The following SLC13A1 variants were observed in gnomAD, a reference collection of about 807,000 sequenced individuals.
The protein encoded by SLC13A1 is Na(+)/sulfate cotransporter.
A neutral mutation model predicts 70.0 loss-of-function variants in SLC13A1; 65 were observed. The ratio of observed to expected loss-of-function variants is 0.93; its 90% CI spans 0.76 to 1.14. SLC13A1 has a LOEUF of 1.14. SLC13A1 is among the 50% of genes most tolerant of loss of function. The pLI is 0.00. For synonymous variants in SLC13A1, 275 were observed against 250.5 expected (o/e 1.10, Z -0.92); for missense variants, 726 against 717.8 (o/e 1.01, Z -0.13).
At chr7:123,173,412 T>C (rs10232829) in intron 2 of SLC13A1, among the ~76,000 whole-genome samples, 7,681 of 152,254 alleles carry the variant, frequency 0.05, 628 homozygotes, top group African/African-American at 0.17. Context: ...TAGAAAATAA[T>C]TATATCAATT....
At chr7:123,153,624 C>T (rs115563256) in intron 6 of SLC13A1, among the ~76,000 whole-genome samples, 1,856 of 152,064 alleles carry the variant, frequency 0.012, 38 homozygotes, top group African/African-American at 0.042. Flanking sequence ...ATATGAGCCA[C>T]TAAATGAGCC....
Position 123,123,118 on chromosome 7 carries a change from A to C in SLC13A1, c.1350+8T>G, listed in dbSNP as rs751496969. ...TAATTGTTAAATATCTTACACACAG[A>C]GTATTACCTCACAACCATCTGCCAG... On this transcript the variant is annotated splice_region_variant and intron_variant, in intron 12 of 14. Coordinates refer to ENST00000194130, the MANE Select transcript of SLC13A1 (RefSeq NM_022444.4). 11 of 1,563,296 alleles carry C rather than the reference A, an allele frequency of 7.0e-6. No homozygotes were observed. The highest frequency in any genetic ancestry group is 5.3e-6 in the Non-Finnish European group (6 of 1,134,202).
chr7:123,133,202 C>T (rs1365896455), intron 8 of SLC13A1, among the ~76,000 whole-genome samples: 1 of 152,186 alleles, frequency 6.6e-6, no homozygotes, highest in Non-Finnish European at 1.5e-5. Context: ...GATCTCTTAT[C>T]TGGCCTCTGA....
intron 1 of SLC13A1, among the ~76,000 whole-genome samples, chr7:123,182,722 T>C (rs948876909): frequency 8.5e-5 from 13 of 152,104 alleles, no homozygotes; most frequent in African/African-American, 2.7e-4. Context: ...CATGGGCCTT[T>C]GGGTGGAGAG....
chr7:123,121,728 A>G (rs981459794), intron 12 of SLC13A1, among the ~76,000 whole-genome samples: 4 of 152,164 alleles, frequency 2.6e-5, no homozygotes, highest in African/African-American at 9.7e-5. Flanking sequence ...AAGTAATTGC[A>G]ATGAGGTGAA....
chr7:123,166,240 A>G (rs113116957), intron 6 of SLC13A1, among the ~76,000 whole-genome samples: 2,076 of 152,154 alleles, frequency 0.014, 42 homozygotes, highest in African/African-American at 0.046. Context: ...CAGTATTTGG[A>G]TATCAAATCA....
At chr7:123,181,179 T>G in intron 1 of SLC13A1, 78 bp from the exon 2 acceptor site, 1 of 1,453,468 alleles carries the variant, frequency 6.9e-7, no homozygotes, top group East Asian at 2.4e-5. Flanking sequence ...ACATGTTTGC[T>G]TAATAGAGCC....
At chr7:123,160,091 G>A (rs918814974) in intron 6 of SLC13A1, among the ~76,000 whole-genome samples, 17 of 151,896 alleles carry the variant, frequency 1.1e-4, no homozygotes, top group African/African-American at 4.1e-4. Flanking sequence ...AGACTAGCCT[G>A]GCCAACATAG....
intron 1 of SLC13A1, 82 bp downstream of exon 1, chr7:123,199,766 G>T: frequency 1.0e-6 from 1 of 987,594 alleles, no homozygotes; most frequent in Non-Finnish European, 1.6e-6. Context: ...TCTGAGCCAG[G>T]CAGTTAAACA....
intron 2 of SLC13A1, among the ~76,000 whole-genome samples, chr7:123,178,049 ATC>A (rs758930009): frequency 7.3e-5 from 11 of 151,090 alleles, no homozygotes; most frequent in African/African-American, 2.7e-4. Flanking sequence ...ATATATATAT[ATC>A]TCCATACATG....
At chr7:123,166,645 T>C (rs1385407303) in intron 6 of SLC13A1, among the ~76,000 whole-genome samples, 4 of 152,098 alleles carry the variant, frequency 2.6e-5, no homozygotes, top group Admixed American at 2.6e-4. Flanking sequence ...ACATGTGGTG[T>C]TTGGTTTTTT....
In SLC13A1 at chr7:123,115,721, T is replaced by C. The variant is rs1793158677; in HGVS notation, c.1651-66A>G. The C allele has an allele frequency of 4.6e-6, 7 of 1,536,762 alleles. No individual in the cohort carries two copies. In the African/African-American group the frequency reaches 5.5e-5, roughly 12 times the overall value. On this transcript the variant is annotated intron_variant, in intron 14 of 14. Transcript: ENST00000194130. ...AAGCCTACAGGAGATTAGAATCCTA[T>C]TGTAGGATGTATATGCCAAATTTAC...
At chr7:123,137,997 A>G (rs909020328) in intron 7 of SLC13A1, among the ~76,000 whole-genome samples, 1 of 152,108 alleles carries the variant, frequency 6.6e-6, no homozygotes, top group Non-Finnish European at 1.5e-5. Context: ...TGTCCTATCA[A>G]ATACTAGGTC....
At chr7:123,169,952 G>C (rs546780471) in intron 3 of SLC13A1, among the ~76,000 whole-genome samples, 10 of 152,246 alleles carry the variant, frequency 6.6e-5, no homozygotes, top group Non-Finnish European at 1.2e-4. Context: ...ATGCTCCCCT[G>C]AATCTGATAT....
At chr7:123,162,388 G>A (rs899704735) in intron 6 of SLC13A1, among the ~76,000 whole-genome samples, 1 of 152,050 alleles carries the variant, frequency 6.6e-6, no homozygotes, top group Non-Finnish European at 1.5e-5. Flanking sequence ...CTGGAGTGAG[G>A]TCACGTTCAC....
chr7:123,146,861 C>G (rs1794371700), intron 7 of SLC13A1, among the ~76,000 whole-genome samples: 1 of 71,430 alleles, frequency 1.4e-5, no homozygotes, highest in Non-Finnish European at 2.8e-5. Flanking sequence ...AGTTAACTAC[C>G]ATTTGTGGTA....
intron 6 of SLC13A1, among the ~76,000 whole-genome samples, chr7:123,161,391 C>A (rs1794891493): frequency 6.6e-6 from 1 of 151,380 alleles, no homozygotes; most frequent in African/African-American, 2.4e-5. Context: ...TATAAACAAC[C>A]ACACACTACT....
In SLC13A1 at chr7:123,173,970, GT is replaced by G. The variant is rs35330071; in HGVS notation, c.229-2067del. On this transcript the variant is annotated intron_variant, in intron 2 of 14. Coordinates refer to ENST00000194130, the MANE Select transcript of SLC13A1 (RefSeq NM_022444.4). ...CCAGTGCTTCCAGAGTCGGGAAGCT[GT>G]TTTTTTTTTTTTTTTCTCCCTGGTT... 3.4e-3 allele frequency among the ~76,000 whole-genome samples: 443 copies of G among 130,168 alleles called. 1 individual carries two copies. The highest frequency in any genetic ancestry group is 8.4e-3 in the Middle Eastern group (2 of 238). The allele number at this position is 130,168 out of a possible 152,430, so 85.4% of individuals were successfully genotyped here. A position where few individuals can be genotyped will look rare whatever the true frequency, so the allele number is the denominator to read the frequency against.
chr7:123,145,318 G>C (rs1794313424), intron 7 of SLC13A1, among the ~76,000 whole-genome samples: 1 of 152,068 alleles, frequency 6.6e-6, no homozygotes, highest in Admixed American at 6.6e-5. Context: ...CTGAATTGAG[G>C]TCTAAGTCCA....
Sources: gnomAD v4.1 joint callset for allele counts (sites outside exome capture counted in the v4.1 genomes callset) on GRCh38, gnomAD v4.1.1 for gene constraint, MANE v1.5 for transcripts, NCBI Gene and HGNC (gene_info 2026-07-23, HGNC 2026-07-21) for gene names.